Variants in ROBO2 observed in about 807,000 individuals in gnomAD.
ROBO2 encodes roundabout guidance receptor 2.
Under a neutral mutation model 160.8 loss-of-function variants are expected in ROBO2, and 53 were observed. That is an observed-to-expected ratio of 0.33 (90% CI 0.26 to 0.41). The LOEUF is 0.41. Ranked by LOEUF, ROBO2 falls within the 10% of genes least tolerant of loss-of-function variation. ROBO2 has a pLI of 1.00. For missense variants in ROBO2, 1,577 were observed against 1,722.4 expected, an observed-to-expected ratio of 0.92 and a Z score of 1.49; for synonymous variants, 664 against 611.7, an observed-to-expected ratio of 1.09 and a Z score of -1.26.
intron 2 of ROBO2, among the ~76,000 whole-genome samples, chr3:76,986,198 A>G (rs1031155313): frequency 6.6e-6 from 1 of 152,206 alleles, no homozygotes; most frequent in Non-Finnish European, 1.5e-5. Flanking sequence ...ATATCTATTT[A>G]AATGTCTTGC....
Position 76,095,040 on chromosome 3 carries a change from T to C in ROBO2, c.109+157438T>C, listed in dbSNP as rs536274315. On this transcript the variant is annotated intron_variant, in intron 2 of 26. Coordinates refer to the ROBO2 transcript ENST00000487694. Reference sequence around the variant, plus strand: ...TGTCAGCATCAAAAGCAATAAGAAGTAGAATTAAATTGTAGGAAAAAGCGA... The same window carrying C: ...TGTCAGCATCAAAAGCAATAAGAAGCAGAATTAAATTGTAGGAAAAAGCGA... 8.5e-5 allele frequency among the ~76,000 whole-genome samples: 13 copies of C among 152,164 alleles called. No homozygotes were observed. The East Asian group carries it at 2.5e-3, about 29-fold the overall frequency.
chr3:76,581,009 T>G (rs536766726), intron 2 of ROBO2, among the ~76,000 whole-genome samples: 2 of 152,182 alleles, frequency 1.3e-5, no homozygotes, highest in Non-Finnish European at 2.9e-5. Context: ...ATTTGCTTAG[T>G]GATTGTGGTT....
At chr3:77,613,637 T>C (rs2094700779) in intron 21 of ROBO2, among the ~76,000 whole-genome samples, 1 of 152,136 alleles carries the variant, frequency 6.6e-6, no homozygotes, top group Admixed American at 6.5e-5. Flanking sequence ...TTCTAATTAG[T>C]GGAATGATAT....
intron 2 of ROBO2, among the ~76,000 whole-genome samples, chr3:76,946,462 G>T (rs1250787133): frequency 6.6e-6 from 1 of 151,930 alleles, no homozygotes; most frequent in East Asian, 1.9e-4. Flanking sequence ...TTTTGAGATG[G>T]AGTCTTACTC....
chr3:77,456,336 A>G (rs2153566862), intron 2 of ROBO2, among the ~76,000 whole-genome samples: 1 of 152,336 alleles, frequency 6.6e-6, no homozygotes, highest in East Asian at 1.9e-4. Context: ...AGAAATCTCA[A>G]AGCTTGGCCC....
chr3:76,445,010 T>C (rs888673027), intron 2 of ROBO2, among the ~76,000 whole-genome samples: 2 of 152,134 alleles, frequency 1.3e-5, no homozygotes, highest in African/African-American at 4.8e-5. Flanking sequence ...ACATGCAGAA[T>C]CAACATTCTT....
At chr3:77,032,823 G>C (rs549689803) in intron 2 of ROBO2, among the ~76,000 whole-genome samples, 1 of 152,160 alleles carries the variant, frequency 6.6e-6, no homozygotes, top group African/African-American at 2.4e-5. Context: ...AAGGGGGTAA[G>C]GTATAGGTGA....
At chr3:77,646,992 C>T (rs530656102) in exon 26 of ROBO2, 49 of 152,580 alleles carry the variant, frequency 3.2e-4, no homozygotes, top group African/African-American at 1.1e-3. Context: ...CGTAATTAAG[C>T]TCTCCAACTC....
At chr3:76,875,877 C>T (rs944477552) in intron 2 of ROBO2, among the ~76,000 whole-genome samples, 1 of 152,072 alleles carries the variant, frequency 6.6e-6, no homozygotes, top group East Asian at 1.9e-4. Context: ...TGGTCTTGAA[C>T]TCCTGACCTC....
chr3:76,296,800 A>G (rs1709098153), intron 2 of ROBO2, among the ~76,000 whole-genome samples: 1 of 152,168 alleles, frequency 6.6e-6, no homozygotes, highest in South Asian at 2.1e-4. Flanking sequence ...TATGGAAGTG[A>G]CTTTATAGAT....
chr3:77,392,838 A>G (rs1241221326), intron 2 of ROBO2, among the ~76,000 whole-genome samples: 1 of 152,208 alleles, frequency 6.6e-6, no homozygotes, highest in Non-Finnish European at 1.5e-5. Context: ...TTGCAGAAGT[A>G]TTATGAACTT....
intron 2 of ROBO2, among the ~76,000 whole-genome samples, chr3:77,189,775 T>A (rs551784268): frequency 3.7e-4 from 57 of 152,034 alleles, no homozygotes; most frequent in African/African-American, 1.3e-3. Flanking sequence ...ACTTAAACTG[T>A]TAATATTTAT....
chr3:76,322,165 T>G (rs1019518990), intron 2 of ROBO2, among the ~76,000 whole-genome samples: 1 of 1,464 alleles, frequency 6.8e-4, no homozygotes, highest in Non-Finnish European at 1.7e-3. Flanking sequence ...ACTTCTTCCG[T>G]ATATATATAT....
At chr3:76,388,874 AT>A (rs943759410) in intron 2 of ROBO2, among the ~76,000 whole-genome samples, 1 of 152,078 alleles carries the variant, frequency 6.6e-6, no homozygotes, top group South Asian at 2.1e-4. Context: ...TATATTAAAC[AT>A]TTTTTTCTTA....
intron 2 of ROBO2, among the ~76,000 whole-genome samples, chr3:77,127,909 T>A (rs1488774542): frequency 1.3e-5 from 2 of 152,170 alleles, no homozygotes; most frequent in East Asian, 3.9e-4. Flanking sequence ...TAGTTATAGA[T>A]CATTTACCAA....
At chr3:76,996,907 A>C (rs1458447791) in intron 2 of ROBO2, among the ~76,000 whole-genome samples, 1 of 152,126 alleles carries the variant, frequency 6.6e-6, no homozygotes, top group Non-Finnish European at 1.5e-5. Context: ...ACTGATACAC[A>C]ATCTAATATG....
At chr3:76,922,185 C>A (rs1380666371) in intron 2 of ROBO2, among the ~76,000 whole-genome samples, 1 of 152,052 alleles carries the variant, frequency 6.6e-6, no homozygotes, top group Non-Finnish European at 1.5e-5. Context: ...GTGGCGGGTG[C>A]CTGTAGTCCC....
chr3:76,778,086 GGTGGTGT>G (rs376920967), intron 2 of ROBO2, among the ~76,000 whole-genome samples: 493 of 151,148 alleles, frequency 3.3e-3, no homozygotes, highest in African/African-American at 0.011. Context: ...CATGAGGAGA[GGTGGTGT>G]GTAGTGTCAG....
chr3:77,249,131 G>A (rs570962269), intron 2 of ROBO2, among the ~76,000 whole-genome samples: 2 of 152,192 alleles, frequency 1.3e-5, no homozygotes, highest in East Asian at 1.9e-4. Flanking sequence ...GATTACAGGC[G>A]TGAGCCACCG....
Sources: allele counts gnomAD v4.1 joint callset (sites outside exome capture counted in the v4.1 genomes callset), GRCh38; gene constraint gnomAD v4.1.1; transcripts MANE v1.5; gene names NCBI Gene and HGNC (gene_info 2026-07-23, HGNC 2026-07-21).